The following PHF3 variants were observed in gnomAD, a reference collection of about 807,000 sequenced individuals.
PHF3 encodes the protein PHD finger protein 3.
PHF3 carries 41 observed loss-of-function variants against 178.4 expected under a neutral mutation model. That is an observed-to-expected ratio of 0.23 (90% confidence interval 0.18 to 0.30). PHF3 has a LOEUF of 0.30. Ranked by LOEUF, PHF3 falls within the 10% of genes least tolerant of loss-of-function variation. The probability of loss-of-function intolerance (pLI) is 1.00; values close to 1 mark genes in which losing one functional copy is unlikely to be tolerated. For missense variants in PHF3, 2,346 were observed against 2,398.1 expected, an observed-to-expected ratio of 0.98 and a Z score of 0.45; for synonymous variants, 842 against 800.5, an observed-to-expected ratio of 1.05 and a Z score of -0.88.
At chr6:63,661,931 AC>A (rs1765481358) in intron 2 of PHF3, among the ~76,000 whole-genome samples, 1 of 152,112 alleles carries the variant, frequency 6.6e-6, no homozygotes, top group African/African-American at 2.4e-5. Flanking sequence ...ATGGACTAGT[AC>A]CAGTTTGGGG....
intron 2 of PHF3, among the ~76,000 whole-genome samples, chr6:63,651,794 G>A (rs1165057002): frequency 6.6e-6 from 1 of 152,106 alleles, no homozygotes; most frequent in Non-Finnish European, 1.5e-5. Flanking sequence ...ATATGAGTGA[G>A]AGCATGCGGT....
At position 63,680,064 on chromosome 6, in the gene PHF3, T is replaced by G. The variant is rs573232742; in HGVS notation, c.309T>G (p.Asp103Glu). ...AAGAAAGTGGCAATGATACCATTGA[T>G]GAAGAAGAACTGATTTTACCTAACA... is the stretch of plus-strand genomic sequence containing the variant. ...VVKESGNDTIDEEELILPNRN... is the reference protein window; with the variant it reads ...VVKESGNDTIEEEELILPNRN... The change falls in exon 3 of 16, where the codon GAT (aspartate) becomes GAG (glutamate). Residue 103 changes from aspartate (D) to glutamate (E), a missense_variant. Asp to Glu is a conservative substitution (Grantham distance 45, BLOSUM62 2). Coordinates refer to ENST00000262043, the MANE Select transcript of PHF3 (RefSeq NM_001370348.2). 1 of 1,612,914 alleles carries G rather than the reference T, an allele frequency of 6.2e-7. No homozygotes were observed. The highest frequency in any genetic ancestry group is 1.1e-5 in the South Asian group (1 of 91,000).
chr6:63,710,981 G>A lies in PHF3; in HGVS notation c.3802-186G>A, dbSNP rs145386224. Among the ~76,000 whole-genome samples the A allele has an allele frequency of 2.6e-5, 4 of 152,234 alleles. No individual in the cohort carries two copies. The East Asian group carries it at 7.7e-4, about 29-fold the overall frequency. On this transcript the variant is annotated intron_variant, in intron 14 of 15. Transcript: ENST00000262043. ...ATCAGATAAATCCATCAATGGATCA[G>A]TAAAGATCTTTTCTTAAGAGTTACT... is the stretch of plus-strand genomic sequence containing the variant.
Position 63,698,518 on chromosome 6 carries a change from G to A in PHF3, c.2895G>A (p.Glu965=). Residue 965 remains glutamate (E), a synonymous_variant, in exon 8 of 16, where the codon GAG becomes GAA. Coordinates refer to ENST00000262043, the MANE Select transcript of PHF3 (RefSeq NM_001370348.2). Reference sequence around the variant, plus strand: ...AAGTTGCCACAAAAATTGAGAAAGAGCTTTTCTCTTTTTTTCGGGACACAG... The same window carrying A: ...AAGTTGCCACAAAAATTGAGAAAGAACTTTTCTCTTTTTTTCGGGACACAG... ...AAKVATKIEK[E]LFSFFRDTDA... The A allele has an allele frequency of 6.2e-7, 1 of 1,603,618 alleles. No homozygotes were observed. Among genetic ancestry groups the A allele is most frequent in the African/African-American group, 1.3e-5 (1 of 74,460 alleles).
intron 4 of PHF3, among the ~76,000 whole-genome samples, 184 bp from the exon 5 acceptor site, chr6:63,691,553 C>A (rs1173538542): frequency 6.6e-6 from 1 of 152,038 alleles, no homozygotes; most frequent in Non-Finnish European, 1.5e-5. Context: ...TTAAAGGTAT[C>A]ATTTTAATAG....
At chr6:63,673,489 C>T (rs146039358) in intron 2 of PHF3, among the ~76,000 whole-genome samples, 7 of 152,200 alleles carry the variant, frequency 4.6e-5, no homozygotes, top group African/African-American at 9.6e-5. Flanking sequence ...GCTTATTCCA[C>T]GAAATACCTA....
rs371765931 is a variant in PHF3 at position 63,680,173 on chromosome 6, A to G, written c.406+12A>G. Reference sequence around the variant, plus strand: ...TTTAATGGCACAAGGTAATCCTTTGAGAGAGGTCTAGCTAGAAAATTAGAG... The same window carrying G: ...TTTAATGGCACAAGGTAATCCTTTGGGAGAGGTCTAGCTAGAAAATTAGAG... On this transcript the variant is annotated intron_variant, in intron 3 of 15. Transcript: ENST00000262043. The G allele has an allele frequency of 3.8e-6, 6 of 1,589,234 alleles. No homozygotes were observed. Among genetic ancestry groups the G allele is most frequent in the East Asian group, 2.2e-5 (1 of 44,734 alleles).
intron 2 of PHF3, among the ~76,000 whole-genome samples, chr6:63,665,487 T>G (rs1195351798): frequency 2.0e-5 from 1 of 48,834 alleles, no homozygotes; most frequent in Non-Finnish European, 3.7e-5. Flanking sequence ...TTTTTTTTTG[T>G]TTTTTTTTTT....
intron 4 of PHF3, among the ~76,000 whole-genome samples, chr6:63,690,680 A>G (rs992045261): frequency 3.9e-5 from 6 of 152,164 alleles, no homozygotes; most frequent in African/African-American, 1.4e-4. Flanking sequence ...AAATCCTTCT[A>G]AGTCTTTCAG....
intron 4 of PHF3, among the ~76,000 whole-genome samples, chr6:63,690,901 A>G (rs1266895642): frequency 6.6e-6 from 1 of 152,110 alleles, no homozygotes; most frequent in Non-Finnish European, 1.5e-5. Context: ...TACGTTTCAC[A>G]TCCCTGGACT....
At chr6:63,654,424 C>CT (rs1401561847) in intron 2 of PHF3, among the ~76,000 whole-genome samples, 2 of 152,192 alleles carry the variant, frequency 1.3e-5, no homozygotes, top group African/African-American at 4.8e-5. Flanking sequence ...CATACATACC[C>CT]TTTAAGAATA....
chr6:63,668,898 T>G (rs1390358979), intron 2 of PHF3, among the ~76,000 whole-genome samples: 2 of 152,196 alleles, frequency 1.3e-5, no homozygotes, highest in African/African-American at 4.8e-5. Flanking sequence ...TTTCCTCTGT[T>G]ACGTGTATAA....
chr6:63,698,425 TAATTG>T lies in PHF3; in HGVS notation c.2826-18_2826-14del, dbSNP rs753885383. ...AATTATGCTTTATACATTTGAAAAA[TAATTG>T]AATTGTTCTAATTTTAAGACTTACA... On this transcript the variant is annotated intron_variant, in intron 7 of 15. Coordinates refer to ENST00000262043, the MANE Select transcript of PHF3 (RefSeq NM_001370348.2). 5 of 1,585,854 alleles carry T rather than the reference TAATTG, an allele frequency of 3.2e-6. No homozygotes were observed. Among genetic ancestry groups the T allele is most frequent in the African/African-American group, 2.7e-5 (2 of 73,578 alleles).
intron 14 of PHF3, 23 bp from the exon 15 acceptor site, chr6:63,711,144 T>C (rs1767908797): frequency 6.5e-7 from 1 of 1,539,442 alleles, no homozygotes; most frequent in East Asian, 2.3e-5. Flanking sequence ...CCTTAAACAA[T>C]TATTTGTTAT....
chr6:63,711,593 A>G lies in PHF3; in HGVS notation c.4005A>G (p.Glu1335=), dbSNP rs765496181. Residue 1335 remains glutamate (E), a synonymous_variant, in exon 16 of 16, where the codon GAA becomes GAG. Coordinates refer to ENST00000262043, the MANE Select transcript of PHF3 (RefSeq NM_001370348.2). ...GTTTTTGGTTTTATACAGGGCTTGA[A>G]CTGCATAGACCTAATCTATTGTTGG... ...PLVPFDGPGL[E]LHRPNLLLGL... The G allele has an allele frequency of 4.5e-6, 7 of 1,571,294 alleles. No individual in the cohort carries two copies. The highest frequency in any genetic ancestry group is 1.4e-5 in the African/African-American group (1 of 72,282).
intron 2 of PHF3, among the ~76,000 whole-genome samples, chr6:63,658,780 AGATT>A (rs1333476744): frequency 1.3e-5 from 2 of 150,650 alleles, no homozygotes; most frequent in Non-Finnish European, 3.0e-5. Flanking sequence ...AGAGAGGGAG[AGATT>A]GATTGATTGA....
Position 63,720,896 on chromosome 6 carries a change from G to T in PHF3, c.*7188G>T. On this transcript the variant is annotated 3_prime_UTR_variant, in exon 16 of 16. Transcript: ENST00000262043. ...TCTGATTTTGAATTACAACTACATG[G>T]TGCCATTTATTACAACAGAATGTGC... 6.4e-7 allele frequency: 1 copy of T among 1,550,700 alleles called. No homozygotes were observed. The highest frequency in any genetic ancestry group is 8.7e-7 in the Non-Finnish European group (1 of 1,146,282).
rs942599966 is a variant in PHF3, at chr6:63,703,539, C to G, written c.3235C>G (p.Pro1079Ala). 1.2e-6 allele frequency: 2 copies of G among 1,604,346 alleles called. No individual in the cohort carries two copies. Among genetic ancestry groups the G allele is most frequent in the Non-Finnish European group, 1.7e-6 (2 of 1,177,640 alleles). ...EQEAAMEIQE[P>A]AANKSLEKPE... ...TTTTTACTTTGACTTACGTTAGGAA[C>G]CAGCCGCCAATAAGTCATTGGAGAA... The change falls in exon 11 of 16, where the codon CCA becomes GCA. Residue 1079 changes from proline (P) to alanine (A), a missense_variant. Pro to Ala is a conservative substitution (Grantham distance 27, BLOSUM62 -1). This residue lies in a region of PHF3 where 205 missense variants were observed against 212.4 expected (regional missense o/e 0.97). Transcript: ENST00000262043.
At chr6:63,657,728 C>G (rs1765298810) in intron 2 of PHF3, among the ~76,000 whole-genome samples, 1 of 152,128 alleles carries the variant, frequency 6.6e-6, no homozygotes, top group Non-Finnish European at 1.5e-5. Flanking sequence ...CCATGTTGTT[C>G]AAGGGTCAAC....
Sources: allele counts gnomAD v4.1 joint callset (sites outside exome capture counted in the v4.1 genomes callset), GRCh38; gene constraint gnomAD v4.1.1; regional missense constraint gnomAD v4.1.1; transcripts MANE v1.5; gene names NCBI Gene and HGNC (gene_info 2026-07-23, HGNC 2026-07-21).